The following FAM13A variants were observed in gnomAD, a reference collection of about 807,000 sequenced individuals.
FAM13A encodes protein FAM13A.
Under a neutral mutation model 129.6 loss-of-function variants are expected in FAM13A, and 76 were observed. The observed-to-expected ratio is 0.59, with a 90% CI of 0.49 to 0.71. FAM13A has a LOEUF of 0.71. Among genes scored for constraint, FAM13A ranks in the 30% least tolerant of loss-of-function variants. FAM13A has a pLI of 0.00. For synonymous variants in FAM13A, 443 were observed against 449.9 expected (o/e 0.98, Z 0.20); for missense variants, 1,108 against 1,249.3 (o/e 0.89, Z 1.70).
chr4:88,928,129 G>A (rs1051601359), intron 5 of FAM13A, among the ~76,000 whole-genome samples: 1 of 151,980 alleles, frequency 6.6e-6, no homozygotes, highest in Non-Finnish European at 1.5e-5. Context: ...ATTTCCATGT[G>A]TCTGTATAGT....
chr4:89,022,532 A>G (rs1168617440), intron 2 of FAM13A, among the ~76,000 whole-genome samples: 2 of 152,226 alleles, frequency 1.3e-5, no homozygotes, highest in Admixed American at 1.3e-4. Flanking sequence ...GGCACCACCT[A>G]AATGGAAGAG....
intron 17 of FAM13A, 82 bp downstream of exon 17, chr4:88,748,870 A>G (rs567038693): frequency 1.1e-6 from 1 of 943,330 alleles, no homozygotes; most frequent in Admixed American, 1.7e-5. Context: ...ATGCCTTAGC[A>G]GTGGCACTCA....
At chr4:88,958,360 C>T (rs573966722) in intron 4 of FAM13A, among the ~76,000 whole-genome samples, 1 of 152,218 alleles carries the variant, frequency 6.6e-6, no homozygotes, top group South Asian at 2.1e-4. Flanking sequence ...AGCTCCACCC[C>T]TGGCTCAAAG....
intron 6 of FAM13A, among the ~76,000 whole-genome samples, chr4:88,875,458 A>T (rs893682257): frequency 3.9e-5 from 6 of 152,348 alleles, no homozygotes; most frequent in Non-Finnish European, 8.8e-5. Context: ...TAAATCAAAC[A>T]ACCCCATCAA....
At chr4:88,912,540 A>G (rs1319706678) in intron 5 of FAM13A, among the ~76,000 whole-genome samples, 1 of 148,160 alleles carries the variant, frequency 6.7e-6, no homozygotes. Flanking sequence ...ACCCCATAAT[A>G]AATCACCTCT....
At chr4:88,979,346 ATAAT>A (rs372993225) in intron 4 of FAM13A, among the ~76,000 whole-genome samples, 257 of 152,304 alleles carry the variant, frequency 1.7e-3, no homozygotes, top group African/African-American at 5.6e-3. Flanking sequence ...TCCAACAAAA[ATAAT>A]TAAGTAAGTG....
chr4:88,772,050 C>G (rs1720779431), intron 11 of FAM13A, among the ~76,000 whole-genome samples: 1 of 152,132 alleles, frequency 6.6e-6, no homozygotes, highest in African/African-American at 2.4e-5. Context: ...CTTAAAAACC[C>G]TTGGAACAAA....
intron 7 of FAM13A, among the ~76,000 whole-genome samples, chr4:88,846,777 T>C (rs1230363703): frequency 6.6e-6 from 1 of 152,222 alleles, no homozygotes; most frequent in African/African-American, 2.4e-5. Flanking sequence ...CTAGGACAAA[T>C]AATAAATTGT....
In FAM13A at chr4:89,011,013, A is replaced by C. The variant is rs543837608; in HGVS notation, c.427+9447T>G. Among the ~76,000 whole-genome samples, 3 of 152,038 alleles carry C rather than the reference A, an allele frequency of 2.0e-5. No individual in the cohort carries two copies. The East Asian group carries it at 5.8e-4, about 29-fold the overall frequency. On this transcript the variant is annotated intron_variant, in intron 3 of 23. Coordinates refer to ENST00000264344, the MANE Select transcript of FAM13A (RefSeq NM_014883.4). ...CAGGCACCTGCCACCACGCCTGGCT[A>C]ATTTTTGTATTTTTAGTAGAGACAG... is the stretch of plus-strand genomic sequence containing the variant.
At chr4:88,807,737 T>C (rs539036772) in intron 7 of FAM13A, among the ~76,000 whole-genome samples, 64 of 152,342 alleles carry the variant, frequency 4.2e-4, no homozygotes, top group African/African-American at 1.5e-3. Context: ...TAATGCATTA[T>C]GCCTGACAGC....
chr4:88,896,367 A>G (rs1243064057), intron 6 of FAM13A, among the ~76,000 whole-genome samples: 9 of 152,162 alleles, frequency 5.9e-5, no homozygotes, highest in Admixed American at 5.9e-4. Context: ...ACACGTATAC[A>G]TATGTAACTA....
At chr4:88,745,781 A>T (rs1741188601) in intron 19 of FAM13A, among the ~76,000 whole-genome samples, 1 of 152,182 alleles carries the variant, frequency 6.6e-6, no homozygotes, top group African/African-American at 2.4e-5. Flanking sequence ...CTGAAACATG[A>T]ACATTATCCC....
chr4:88,975,674 C>A (rs1200812658), intron 4 of FAM13A, among the ~76,000 whole-genome samples: 1 of 152,148 alleles, frequency 6.6e-6, no homozygotes, highest in African/African-American at 2.4e-5. Context: ...TCCGAATTTG[C>A]TTTTTCTCTG....
intron 14 of FAM13A, among the ~76,000 whole-genome samples, chr4:88,753,880 G>A (rs896374947): frequency 2.0e-5 from 3 of 152,222 alleles, no homozygotes; most frequent in Non-Finnish European, 2.9e-5. Flanking sequence ...CCTGCCTAGA[G>A]AGCCGGTTTT....
At chr4:88,889,777 T>C (rs1019298643) in intron 6 of FAM13A, among the ~76,000 whole-genome samples, 2 of 152,214 alleles carry the variant, frequency 1.3e-5, no homozygotes, top group African/African-American at 4.8e-5. Flanking sequence ...GGAAGCAGCC[T>C]GTGACTAGAA....
chr4:88,966,545 C>G (rs1451729016), intron 4 of FAM13A, among the ~76,000 whole-genome samples: 2 of 152,120 alleles, frequency 1.3e-5, no homozygotes, highest in Non-Finnish European at 2.9e-5. Flanking sequence ...ATATGCCCAA[C>G]AGAAAGCTAT....
At chr4:88,844,161 C>T (rs978665525) in intron 7 of FAM13A, among the ~76,000 whole-genome samples, 1 of 152,070 alleles carries the variant, frequency 6.6e-6, no homozygotes, top group Non-Finnish European at 1.5e-5. Flanking sequence ...TCAGTACTAG[C>T]GTGGACACAA....
rs33953927 is a variant in FAM13A, at chr4:88,887,530, C to CTTTTTTTTTTTTTTTT, written c.843+18848_843+18849insAAAAAAAAAAAAAAAA. Among the ~76,000 whole-genome samples, 2 of 128,756 alleles carry CTTTTTTTTTTTTTTTT rather than the reference C, an allele frequency of 1.6e-5. 1 individual carries two copies. The highest frequency in any genetic ancestry group is 3.3e-5 in the Non-Finnish European group (2 of 60,414). The allele number at this position is 128,756 out of a possible 152,430, so 84.5% of individuals were successfully genotyped here. On this transcript the variant is annotated intron_variant, in intron 6 of 23. Coordinates refer to ENST00000264344, the MANE Select transcript of FAM13A (RefSeq NM_014883.4). ...TTGGTTCACATATGTACCTTTCTTT[C>CTTTTTTTTTTTTTTTT]TTTCTTTTTTTTTTTTTTGAGACAG... is the stretch of plus-strand genomic sequence containing the variant.
intron 7 of FAM13A, among the ~76,000 whole-genome samples, chr4:88,849,408 G>A (rs1343518250): frequency 2.0e-5 from 3 of 152,040 alleles, no homozygotes; most frequent in Admixed American, 6.6e-5. Context: ...CATTGGCTTC[G>A]TATTACCTCT....
Sources: allele counts gnomAD v4.1 joint callset (sites outside exome capture counted in the v4.1 genomes callset), GRCh38; gene constraint gnomAD v4.1.1; transcripts MANE v1.5; gene names NCBI Gene and HGNC (gene_info 2026-07-23, HGNC 2026-07-21).